The following TBC1D22A variants were observed in gnomAD, a reference collection of about 807,000 sequenced individuals.
TBC1D22A encodes TBC1 domain family member 22A.
TBC1D22A carries 38 observed loss-of-function variants against 60.2 expected under a neutral mutation model. The observed-to-expected ratio is 0.63, with a 90% CI of 0.49 to 0.83. The LOEUF (loss-of-function observed/expected upper bound fraction) is 0.83. Ranked by LOEUF, TBC1D22A falls within the 40% of genes least tolerant of loss-of-function variation. The pLI, the probability that TBC1D22A is intolerant of heterozygous loss-of-function variation, is 0.00. For missense variants in TBC1D22A, 628 were observed against 701.0 expected, an observed-to-expected ratio of 0.90 and a Z score of 1.18; for synonymous variants, 302 against 281.7, an observed-to-expected ratio of 1.07 and a Z score of -0.72.
intron 1 of TBC1D22A, among the ~76,000 whole-genome samples, chr22:46,776,369 C>T (rs902834418): frequency 1.3e-5 from 2 of 148,862 alleles, no homozygotes; most frequent in Non-Finnish European, 3.0e-5. Context: ...GGATGGTGTG[C>T]GTGGAAGCAG....
At chr22:46,910,958 G>A (rs2069874703) in intron 7 of TBC1D22A, among the ~76,000 whole-genome samples, 1 of 152,024 alleles carries the variant, frequency 6.6e-6, no homozygotes, top group African/African-American at 2.4e-5. Flanking sequence ...CACAATGTGG[G>A]TGCTGGCTGG....
chr22:46,854,692 C>T (rs1055611157), intron 4 of TBC1D22A, among the ~76,000 whole-genome samples: 1 of 152,196 alleles, frequency 6.6e-6, no homozygotes, highest in African/African-American at 2.4e-5. Flanking sequence ...CCCTCTTCCC[C>T]CTGCGATGCA....
chr22:46,893,115 T>C (rs1373965038), intron 6 of TBC1D22A, among the ~76,000 whole-genome samples: 1 of 152,230 alleles, frequency 6.6e-6, no homozygotes, highest in Admixed American at 6.5e-5. Flanking sequence ...CCCTGCACAC[T>C]GGTGGAGGCA....
rs573963769 is a variant in TBC1D22A at position 46,800,935 on chromosome 22, C to T, written c.637+3315C>T. Among the ~76,000 whole-genome samples, 4 of 152,140 alleles carry T rather than the reference C, an allele frequency of 2.6e-5. No homozygotes were observed. The South Asian group carries it at 6.2e-4, about 24-fold the overall frequency. The stretch of plus-strand genomic sequence containing the variant: ...AAGCAAGATTTGCCTGATGGGAACC[C>T]TGTGCTGGGTCAGGCTCTGAGTACC... On this transcript the variant is annotated intron_variant, in intron 4 of 12. Coordinates refer to ENST00000337137, the MANE Select transcript of TBC1D22A (RefSeq NM_014346.5).
At chr22:47,148,952 A>G (rs1015910052) in intron 12 of TBC1D22A, among the ~76,000 whole-genome samples, 22 of 151,920 alleles carry the variant, frequency 1.4e-4, no homozygotes, top group Non-Finnish European at 1.5e-5. Context: ...ACGGCTTCCC[A>G]TGTGTCCCTT....
intron 4 of TBC1D22A, among the ~76,000 whole-genome samples, chr22:46,803,997 C>G (rs984895027): frequency 1.8e-4 from 28 of 152,240 alleles, no homozygotes; most frequent in African/African-American, 6.5e-4. Flanking sequence ...CATACATGGT[C>G]CTGTGTCTCT....
rs150544921 is a variant in TBC1D22A, at chr22:47,111,519, C to T, written c.1341C>T (p.Asp447=). The T allele has an allele frequency of 7.2e-5, 117 of 1,613,892 alleles. No homozygotes were observed. The highest frequency in any genetic ancestry group is 5.2e-4 in the African/African-American group (39 of 75,036). The change falls in exon 12 of 13, where the codon GAC becomes GAT. Residue 447 remains aspartate (D), a synonymous_variant. Transcript: ENST00000337137. ...RLWDTYQSEP[D]GFSHFHLYVC... is the part of the protein sequence containing the mutation. Reference sequence around the variant, plus strand: ...TTTTTCTCTTTTAGTCTGAACCGGACGGCTTTTCTCATTTCCACTTGTACG... The same window carrying T: ...TTTTTCTCTTTTAGTCTGAACCGGATGGCTTTTCTCATTTCCACTTGTACG...
chr22:47,052,288 C>G (rs1467695599), intron 11 of TBC1D22A, among the ~76,000 whole-genome samples: 1 of 152,236 alleles, frequency 6.6e-6, no homozygotes, highest in African/African-American at 2.4e-5. Context: ...CCAGCGCCCT[C>G]CTGATGAGGG....
intron 9 of TBC1D22A, among the ~76,000 whole-genome samples, chr22:46,980,634 G>C (rs2148160754): frequency 2.6e-5 from 1 of 38,682 alleles, no homozygotes; most frequent in South Asian, 1.4e-3. Flanking sequence ...AACACAGAGA[G>C]ATACTGAAAA....
intron 8 of TBC1D22A, chr22:46,915,434 G>C (rs1254617221): frequency 4.4e-6 from 2 of 456,576 alleles, no homozygotes; most frequent in East Asian, 6.9e-5. Context: ...TTCGACACCT[G>C]AGCACCTGCC....
chr22:47,100,909 C>G (rs1373741010), intron 11 of TBC1D22A, among the ~76,000 whole-genome samples: 1 of 152,176 alleles, frequency 6.6e-6, no homozygotes, highest in African/African-American at 2.4e-5. Context: ...CGCTTGGTCT[C>G]TGGTTAGGCA....
chr22:46,896,536 T>G (rs148493285), intron 7 of TBC1D22A, among the ~76,000 whole-genome samples: 3 of 152,362 alleles, frequency 2.0e-5, no homozygotes, highest in Admixed American at 2.0e-4. Flanking sequence ...GGCAGGAGTC[T>G]GTTTAATTTC....
In TBC1D22A at chr22:47,039,935, C is replaced by CTTTTTTTTTTTTTTT. The variant is rs570751261; in HGVS notation, c.1329+2750_1329+2764dup. The stretch of plus-strand genomic sequence containing the variant: ...CAAGGCGTCGGGGAGGTGCCACAGC[C>CTTTTTTTTTTTTTTT]TTTTTTTTTTTTTTTTTTTTTTTTT... On this transcript the variant is annotated intron_variant, in intron 11 of 12. Coordinates refer to ENST00000337137, the MANE Select transcript of TBC1D22A (RefSeq NM_014346.5). Among the ~76,000 whole-genome samples, 7 of 77,296 alleles carry CTTTTTTTTTTTTTTT rather than the reference C, an allele frequency of 9.1e-5. 1 individual carries two copies. The highest frequency in any genetic ancestry group is 4.4e-4 in the African/African-American group (7 of 15,934). The allele number at this position is 77,296 out of a possible 152,430, so 50.7% of individuals were successfully genotyped here. A position where few individuals can be genotyped will look rare whatever the true frequency, so the allele number is the denominator to read the frequency against.
intron 7 of TBC1D22A, among the ~76,000 whole-genome samples, chr22:46,904,142 T>TCTACCTACCTGCCTACCTACCTAC (rs2069254437): frequency 1.5e-5 from 2 of 134,500 alleles, no homozygotes; most frequent in African/African-American, 5.9e-5. Flanking sequence ...TATCTATCTA[T>TCTACCTACCTGCCTACCTACCTAC]CTACCTACCT....
In TBC1D22A at chr22:46,904,131, CTA is replaced by C. The variant is rs71315171; in HGVS notation, c.901-7941_901-7940del. Among the ~76,000 whole-genome samples, 4 of 108,406 alleles carry C rather than the reference CTA, an allele frequency of 3.7e-5. No individual in the cohort carries two copies. In the Admixed American group the frequency reaches 4.2e-4, roughly 11 times the overall value. The allele number at this position is 108,406 out of a possible 152,430, so 71.1% of individuals were successfully genotyped here. ...TCTATCTATCTATCTATCTATCTAT[CTA>C]TCTATCTATCTACCTACCTACCTAC... On this transcript the variant is annotated intron_variant, in intron 7 of 12. Transcript: ENST00000337137.
At chr22:46,949,903 G>A (rs538967443) in intron 8 of TBC1D22A, among the ~76,000 whole-genome samples, 8 of 152,366 alleles carry the variant, frequency 5.3e-5, no homozygotes, top group Non-Finnish European at 8.8e-5. Flanking sequence ...CGAGGCTGCT[G>A]GGGCTGGAGC....
intron 4 of TBC1D22A, among the ~76,000 whole-genome samples, chr22:46,830,752 T>C (rs182797354): frequency 4.9e-4 from 75 of 152,298 alleles, no homozygotes; most frequent in African/African-American, 1.6e-3. Flanking sequence ...AGTAATGTGA[T>C]CCTATTTATA....
intron 8 of TBC1D22A, among the ~76,000 whole-genome samples, chr22:46,946,190 C>T (rs1346492116): frequency 3.9e-5 from 6 of 152,274 alleles, no homozygotes; most frequent in East Asian, 1.9e-4. Flanking sequence ...GCTTGTGCAC[C>T]GTAGGAGCTG....
At chr22:46,806,369 G>A (rs536674203) in intron 4 of TBC1D22A, among the ~76,000 whole-genome samples, 2 of 136,590 alleles carry the variant, frequency 1.5e-5, no homozygotes, top group East Asian at 2.1e-4. Context: ...GCCCGGAAAT[G>A]GAGCTGAGAC....
Sources: gnomAD v4.1 joint callset for allele counts (sites outside exome capture counted in the v4.1 genomes callset) on GRCh38, gnomAD v4.1.1 for gene constraint, MANE v1.5 for transcripts, NCBI Gene and HGNC (gene_info 2026-07-23, HGNC 2026-07-21) for gene names.